C16orf87: variants seen among roughly 807,000 people sequenced by gnomAD.
C16orf87 encodes the protein UPF0547 protein C16orf87.
In C16orf87, 13 loss-of-function variants were observed where a neutral mutation model predicts 21.0. That is an observed-to-expected ratio of 0.62 (90% CI 0.40 to 0.98). The LOEUF is 0.98. Ranked by LOEUF, C16orf87 falls within the 50% of genes least tolerant of loss-of-function variation. The pLI is 0.00. For missense variants in C16orf87, 113 were observed against 180.4 expected, an observed-to-expected ratio of 0.63 and a Z score of 2.14; for synonymous variants, 49 against 60.2, an observed-to-expected ratio of 0.81 and a Z score of 0.86.
rs371718299 is a variant in C16orf87 at position 46,798,290 on chromosome 16, C to T, written c.*4662G>A. 28 of 152,366 alleles carry T rather than the reference C, an allele frequency of 1.8e-4. No homozygotes were observed. Among genetic ancestry groups the T allele is most frequent in the African/African-American group, 6.0e-4 (25 of 41,566 alleles). The allele number at this position is 152,366 out of a possible 1,614,324, so 9.4% of individuals were successfully genotyped here. Reference sequence around the variant, plus strand: ...ATGCCTGTAAAGGCGGGTGGATCACCGGAGCTCAGGAGTTCGAGACCAGCT... The same window carrying T: ...ATGCCTGTAAAGGCGGGTGGATCACTGGAGCTCAGGAGTTCGAGACCAGCT... On this transcript the variant is annotated 3_prime_UTR_variant, in exon 4 of 4. Transcript: ENST00000285697.
rs1209898456 is a variant in C16orf87 at position 46,797,578 on chromosome 16, G to C, written c.*5374C>G. 1.3e-5 allele frequency: 2 copies of C among 152,046 alleles called. No homozygotes were observed. Among genetic ancestry groups the C allele is most frequent in the Non-Finnish European group, 1.5e-5 (1 of 68,034 alleles). 9.4% of individuals were successfully genotyped at this position (152,046 alleles called of 1,614,324 possible). On this transcript the variant is annotated 3_prime_UTR_variant, in exon 4 of 4. Coordinates refer to ENST00000285697, the MANE Select transcript of C16orf87 (RefSeq NM_001001436.4). ...TGTCCAGGCTGGTCTCGAACTCCTGGACTTAAGCAATCTGCTCGCCTCGGC... is the reference window on the plus strand; with the variant it reads ...TGTCCAGGCTGGTCTCGAACTCCTGCACTTAAGCAATCTGCTCGCCTCGGC...
chr16:46,827,720 T>A (rs896315388), intron 1 of C16orf87, among the ~76,000 whole-genome samples: 2 of 151,310 alleles, frequency 1.3e-5, no homozygotes, highest in South Asian at 4.2e-4. Flanking sequence ...GTAGCTGGGA[T>A]TACAGGTGCC....
Position 46,831,178 on chromosome 16 carries a change from G to A in C16orf87, c.-29C>T. 1 of 1,542,620 alleles carries A rather than the reference G, an allele frequency of 6.5e-7. No individual in the cohort carries two copies. The highest frequency in any genetic ancestry group is 8.8e-7 in the Non-Finnish European group (1 of 1,137,588). On this transcript the variant is annotated 5_prime_UTR_variant, in exon 1 of 4. Transcript: ENST00000285697. ...CCTCTCCCTTAGCGGCGGCAGCAGC[G>A]ACGGCTCGGGCTCCTCCCCTCACAC...
intron 2 of C16orf87, among the ~76,000 whole-genome samples, chr16:46,817,637 G>C (rs1007043807): frequency 2.0e-5 from 3 of 151,902 alleles, no homozygotes; most frequent in Non-Finnish European, 4.4e-5. Flanking sequence ...GCAGTAAGCC[G>C]ATATCAGGCC....
At chr16:46,813,398 C>T (rs1235590900) in intron 2 of C16orf87, among the ~76,000 whole-genome samples, 1 of 151,298 alleles carries the variant, frequency 6.6e-6, no homozygotes, top group East Asian at 1.9e-4. Context: ...AAAATATACC[C>T]ATAATCTCTT....
chr16:46,808,271 C>A, intron 3 of C16orf87: 1 of 351,300 alleles, frequency 2.8e-6, no homozygotes, highest in Non-Finnish European at 5.5e-6. Flanking sequence ...CAGTCAAAAC[C>A]GATATAAACC....
Position 46,800,397 on chromosome 16 carries a change from GAA to G in C16orf87, c.*2553_*2554del, listed in dbSNP as rs1247451279. 5.9e-5 allele frequency: 9 copies of G among 152,030 alleles called. No homozygotes were observed. The highest frequency in any genetic ancestry group is 2.2e-4 in the African/African-American group (9 of 41,410). The allele number at this position is 152,030 out of a possible 1,614,324, so 9.4% of individuals were successfully genotyped here. A position where few individuals can be genotyped will look rare whatever the true frequency, so the allele number is the denominator to read the frequency against. On this transcript the variant is annotated 3_prime_UTR_variant, in exon 4 of 4. Coordinates refer to ENST00000285697, the MANE Select transcript of C16orf87 (RefSeq NM_001001436.4). ...CCAAAAAATACCCATGAAAATCTAA[GAA>G]ATGTTCATTTCTAAAACTAACAAAC...
At chr16:46,825,417 A>G (rs555330323) in intron 1 of C16orf87, among the ~76,000 whole-genome samples, 1 of 76,716 alleles carries the variant, frequency 1.3e-5, no homozygotes, top group South Asian at 6.4e-4. Flanking sequence ...AATAGTTTAT[A>G]GCAACCAGAT....
intron 1 of C16orf87, among the ~76,000 whole-genome samples, chr16:46,830,368 G>GT (rs908481173): frequency 4.0e-5 from 6 of 151,512 alleles, no homozygotes; most frequent in African/African-American, 9.7e-5. Context: ...GGCCAAATTT[G>GT]TAACAGTGGA....
At chr16:46,815,906 A>C (rs1374734593) in intron 2 of C16orf87, among the ~76,000 whole-genome samples, 1 of 152,216 alleles carries the variant, frequency 6.6e-6, no homozygotes, top group Non-Finnish European at 1.5e-5. Context: ...GCATATACCC[A>C]AAAGAAATGA....
At chr16:46,816,493 A>G (rs543571254) in intron 2 of C16orf87, among the ~76,000 whole-genome samples, 1 of 152,358 alleles carries the variant, frequency 6.6e-6, no homozygotes, top group South Asian at 2.1e-4. Flanking sequence ...TAAATTTGAC[A>G]CGCTTGATGA....
At chr16:46,803,722 T>TAA (rs1006307672) in intron 3 of C16orf87, among the ~76,000 whole-genome samples, 1 of 143,094 alleles carries the variant, frequency 7.0e-6, no homozygotes. Context: ...TAAAACTTGT[T>TAA]AAAAAAAAAA....
intron 1 of C16orf87, among the ~76,000 whole-genome samples, chr16:46,826,359 C>G (rs1332661803): frequency 6.6e-6 from 1 of 152,170 alleles, no homozygotes; most frequent in Admixed American, 6.5e-5. Flanking sequence ...AAGAAAACTG[C>G]AATTCCCTTT....
intron 1 of C16orf87, among the ~76,000 whole-genome samples, chr16:46,827,261 C>T (rs551732592): frequency 3.9e-5 from 6 of 152,160 alleles, no homozygotes; most frequent in African/African-American, 1.4e-4. Flanking sequence ...ACAAAAAACA[C>T]ACCACCACCA....
intron 3 of C16orf87, among the ~76,000 whole-genome samples, chr16:46,806,839 G>A (rs1315262761): frequency 6.6e-6 from 1 of 152,038 alleles, no homozygotes; most frequent in Non-Finnish European, 1.5e-5. Flanking sequence ...CATCTGACTA[G>A]ATAGAAAAGT....
In C16orf87 at chr16:46,797,368, C is replaced by T. The variant is rs1967640461; in HGVS notation, c.*5584G>A. ...TATTTTTTATTTTTATTTTTTGAGA[C>T]ACAGTGTCTAGCTCTGTCACTCAGG... On this transcript the variant is annotated 3_prime_UTR_variant, in exon 4 of 4. Coordinates refer to ENST00000285697, the MANE Select transcript of C16orf87 (RefSeq NM_001001436.4). The T allele has an allele frequency of 6.6e-6, 1 of 152,080 alleles. No homozygotes were observed. The highest frequency in any genetic ancestry group is 2.4e-5 in the African/African-American group (1 of 41,398). The allele number at this position is 152,080 out of a possible 1,614,324, so 9.4% of individuals were successfully genotyped here.
At chr16:46,803,321 A>G (rs779252864) in intron 3 of C16orf87, among the ~76,000 whole-genome samples, 7 of 152,148 alleles carry the variant, frequency 4.6e-5, no homozygotes, top group Non-Finnish European at 8.8e-5. Context: ...TTTTTCTAAG[A>G]ATCTCATACA....
intron 3 of C16orf87, among the ~76,000 whole-genome samples, chr16:46,808,738 G>A (rs1967996632): frequency 6.6e-6 from 1 of 151,964 alleles, no homozygotes; most frequent in Admixed American, 6.6e-5. Context: ...TTAAAAAGAT[G>A]CATAAATCAA....
Position 46,819,754 on chromosome 16 carries a change from T to A in C16orf87, c.163+4632A>T, listed in dbSNP as rs535815482. Among the ~76,000 whole-genome samples the A allele has an allele frequency of 2.5e-3, 377 of 151,308 alleles. 4 individuals carry two copies. Among genetic ancestry groups the A allele is most frequent in the Non-Finnish European group, 3.2e-3 (217 of 67,694 alleles). On this transcript the variant is annotated intron_variant, in intron 2 of 3. Transcript: ENST00000285697. ...CTCTGGGAGGCCGAGGCGGGCGGATTACCTGAGGTCGGGAGTTTGAGACCA... is the reference window on the plus strand; with the variant it reads ...CTCTGGGAGGCCGAGGCGGGCGGATAACCTGAGGTCGGGAGTTTGAGACCA...
Sources: allele counts gnomAD v4.1 joint callset (sites outside exome capture counted in the v4.1 genomes callset), GRCh38; gene constraint gnomAD v4.1.1; transcripts MANE v1.5; gene names NCBI Gene and HGNC (gene_info 2026-07-23, HGNC 2026-07-21).